The following GHR variants were observed in gnomAD, a reference collection of about 807,000 sequenced individuals.
GHR encodes growth hormone receptor, also known as GH receptor.
In GHR, 35 loss-of-function variants were observed where a neutral mutation model predicts 67.1. The observed-to-expected ratio is 0.52, with a 90% CI of 0.40 to 0.69. The LOEUF is 0.69. Among genes scored for constraint, GHR ranks in the 30% least tolerant of loss-of-function variants. GHR has a pLI of 0.00. For synonymous variants in GHR, 272 were observed against 269.1 expected, an observed-to-expected ratio of 1.01 and a Z score of -0.10; for missense variants, 792 against 764.6, an observed-to-expected ratio of 1.04 and a Z score of -0.42.
chr5:42,480,685 T>G (rs1745586231), intron 1 of GHR, among the ~76,000 whole-genome samples: 1 of 152,226 alleles, frequency 6.6e-6, no homozygotes, highest in Non-Finnish European at 1.5e-5. Context: ...TTAAAGTCTG[T>G]TTTATCAGAG....
intron 2 of GHR, among the ~76,000 whole-genome samples, chr5:42,592,373 C>G (rs903639405): frequency 3.7e-4 from 57 of 152,298 alleles, no homozygotes; most frequent in African/African-American, 1.3e-3. Context: ...AGGTAATAAA[C>G]ATGGTTTCCA....
intron 2 of GHR, among the ~76,000 whole-genome samples, chr5:42,608,034 G>A (rs1752709590): frequency 6.6e-6 from 1 of 152,186 alleles, no homozygotes; most frequent in Admixed American, 6.5e-5. Flanking sequence ...AAAAGAGCTA[G>A]GAATTCATTC....
intron 1 of GHR, among the ~76,000 whole-genome samples, chr5:42,456,098 G>A (rs977352238): frequency 1.3e-5 from 2 of 152,306 alleles, no homozygotes; most frequent in Non-Finnish European, 2.9e-5. Flanking sequence ...AGATCACAAG[G>A]TCAAGAGATG....
chr5:42,648,599 G>A (rs541587754), intron 3 of GHR, among the ~76,000 whole-genome samples: 6 of 151,886 alleles, frequency 4.0e-5, no homozygotes, highest in East Asian at 3.9e-4. Flanking sequence ...TTATTATATC[G>A]GAAATCTGGG....
chr5:42,549,080 G>C (rs1748883434), intron 1 of GHR, among the ~76,000 whole-genome samples: 1 of 152,200 alleles, frequency 6.6e-6, no homozygotes, highest in African/African-American at 2.4e-5. Flanking sequence ...CTGAGAGATG[G>C]TCAGTACTTT....
Position 42,688,937 on chromosome 5 carries a change from G to A in GHR, c.184G>A (p.Glu62Lys), listed in dbSNP as rs121909361. 12 of 1,613,458 alleles carry A rather than the reference G, an allele frequency of 7.4e-6. No individual in the cohort carries two copies. The highest frequency in any genetic ancestry group is 1.7e-5 in the Admixed American group (1 of 59,998). ...KFTKCRSPER[E>K]TFSCHWTDEV... ...CACCAAGTGCCGTTCACCTGAGCGA[G>A]AGACTTTTTCATGCCACTGGACAGA... Residue 62 changes from glutamate to lysine, a missense_variant, in exon 4 of 10, where the codon GAG (glutamate) becomes AAG (lysine). By Grantham distance (56) the Glu-to-Lys change is moderately conservative. Transcript: ENST00000230882.
At chr5:42,622,993 A>C (rs557360519) in intron 2 of GHR, among the ~76,000 whole-genome samples, 12 of 152,302 alleles carry the variant, frequency 7.9e-5, no homozygotes, top group Admixed American at 6.5e-4. Flanking sequence ...CCCTAAGTGC[A>C]CAAAGTCTAA....
intron 1 of GHR, among the ~76,000 whole-genome samples, chr5:42,529,193 A>G (rs1747845840): frequency 6.6e-6 from 1 of 151,940 alleles, no homozygotes; most frequent in Non-Finnish European, 1.5e-5. Context: ...TTGTATTTTC[A>G]GTAGAAACGG....
At chr5:42,491,518 A>G (rs1032353587) in intron 1 of GHR, among the ~76,000 whole-genome samples, 2 of 152,208 alleles carry the variant, frequency 1.3e-5, no homozygotes, top group Non-Finnish European at 2.9e-5. Context: ...TTTCTATGAA[A>G]GGTAGATACT....
At chr5:42,617,425 C>G (rs923478936) in intron 2 of GHR, among the ~76,000 whole-genome samples, 2 of 134,572 alleles carry the variant, frequency 1.5e-5, no homozygotes, top group Non-Finnish European at 1.6e-5. Context: ...CACACACACA[C>G]AGCATTTGCT....
rs532126564 is a variant in GHR at position 42,719,227 on chromosome 5, A to G, written c.1720A>G (p.Thr574Ala). 3 of 1,613,988 alleles carry G rather than the reference A, an allele frequency of 1.9e-6. No homozygotes were observed. The highest frequency in any genetic ancestry group is 2.5e-6 in the Non-Finnish European group (3 of 1,179,908). Residue 574 changes from threonine to alanine, a missense_variant, in exon 10 of 10, where the codon ACT becomes GCT. Thr to Ala is a moderately conservative substitution (Grantham distance 58). Transcript: ENST00000230882. ...TTACATCACCACAGAAAGCCTTACC[A>G]CTGCTGCTGGGAGGCCTGGGACAGG... ...DIYITTESLT[T>A]AAGRPGTGEH...
At chr5:42,478,903 C>T (rs1001117788) in intron 1 of GHR, among the ~76,000 whole-genome samples, 1 of 152,100 alleles carries the variant, frequency 6.6e-6, no homozygotes, top group Non-Finnish European at 1.5e-5. Flanking sequence ...TTGCCCTGGC[C>T]AGAACTTCCA....
At chr5:42,517,038 T>G (rs1747269148) in intron 1 of GHR, among the ~76,000 whole-genome samples, 1 of 152,226 alleles carries the variant, frequency 6.6e-6, no homozygotes, top group Admixed American at 6.5e-5. Flanking sequence ...TGCCCTGGTG[T>G]TTGTTATAAC....
rs182317188 is a variant in GHR, at chr5:42,433,276, G to A, written c.-12+9321G>A. Among the ~76,000 whole-genome samples the A allele has an allele frequency of 1.3e-4, 19 of 151,590 alleles. 1 individual carries two copies. In the South Asian group the frequency reaches 2.7e-3, roughly 22 times the overall value. On this transcript the variant is annotated intron_variant, in intron 1 of 9. Transcript: ENST00000230882. ...TTTAGTGTTTTAATTTATTTTTCTC[G>A]GTGCATATAGGGAGAGAATTATTTA...
chr5:42,461,255 C>T (rs1178871511), intron 1 of GHR, among the ~76,000 whole-genome samples: 1 of 152,182 alleles, frequency 6.6e-6, no homozygotes, highest in Non-Finnish European at 1.5e-5. Flanking sequence ...TATCTGTTTA[C>T]CACAGTGGAC....
intron 1 of GHR, among the ~76,000 whole-genome samples, chr5:42,438,218 T>A (rs1743417696): frequency 6.6e-6 from 1 of 152,232 alleles, no homozygotes; most frequent in Non-Finnish European, 1.5e-5. Flanking sequence ...TCGACCTAAT[T>A]GTACACTTGG....
At chr5:42,589,312 T>C (rs1039628689) in intron 2 of GHR, among the ~76,000 whole-genome samples, 7 of 152,232 alleles carry the variant, frequency 4.6e-5, no homozygotes, top group Non-Finnish European at 1.0e-4. Flanking sequence ...ATACTGAACA[T>C]TTGAACTTAT....
intron 2 of GHR, among the ~76,000 whole-genome samples, chr5:42,592,367 A>C (rs983074394): frequency 6.6e-6 from 1 of 152,182 alleles, no homozygotes; most frequent in Admixed American, 6.5e-5. Context: ...TCACCCAGGT[A>C]ATAAACATGG....
intron 1 of GHR, among the ~76,000 whole-genome samples, chr5:42,515,364 C>T (rs1249842521): frequency 1.3e-5 from 2 of 152,168 alleles, no homozygotes; most frequent in Non-Finnish European, 2.9e-5. Context: ...ATACTCTCTT[C>T]CTGTCGTTAA....
Sources: gnomAD v4.1 joint callset for allele counts (sites outside exome capture counted in the v4.1 genomes callset) on GRCh38, gnomAD v4.1.1 for gene constraint, MANE v1.5 for transcripts, NCBI Gene and HGNC (gene_info 2026-07-23, HGNC 2026-07-21) for gene names.